The following PUM3 variants were observed in gnomAD, a reference collection of about 807,000 sequenced individuals.
The protein encoded by PUM3 is pumilio homolog 3.
Under a neutral mutation model 84.0 loss-of-function variants are expected in PUM3, and 91 were observed. The observed-to-expected ratio is 1.08, with a 90% CI of 0.91 to 1.29. The LOEUF is 1.29. PUM3 is among the 50% of genes most tolerant of loss of function. PUM3 has a pLI of 0.00. For synonymous variants in PUM3, 321 were observed against 266.7 expected (o/e 1.20, Z -1.98); for missense variants, 1,067 against 767.5 (o/e 1.39, Z -4.61).
intron 15 of PUM3, 48 bp from the exon 16 acceptor site, chr9:2,810,479 A>T: frequency 1.6e-5 from 20 of 1,279,186 alleles, no homozygotes; most frequent in Non-Finnish European, 2.1e-5. Context: ...TTTCATTCAT[A>T]CAAATACATT....
intron 1 of PUM3, among the ~76,000 whole-genome samples, chr9:2,842,952 T>C (rs1455845385): frequency 6.6e-6 from 1 of 152,196 alleles, no homozygotes; most frequent in Non-Finnish European, 1.5e-5. Context: ...CATTTTCCTC[T>C]CTACTCTGCC....
At chr9:2,833,907 T>G in intron 4 of PUM3, 124 bp downstream of exon 4, 1 of 932,298 alleles carries the variant, frequency 1.1e-6, no homozygotes. Context: ...TGGGGTGTCA[T>G]GAGGACCCCC....
intron 17 of PUM3, among the ~76,000 whole-genome samples, chr9:2,806,161 A>G (rs1821254674): frequency 6.6e-6 from 1 of 152,206 alleles, no homozygotes. Context: ...AATTAATTTC[A>G]TGGCATTGCT....
At chr9:2,816,549 A>C (rs1373555884) in intron 13 of PUM3, among the ~76,000 whole-genome samples, 1 of 152,240 alleles carries the variant, frequency 6.6e-6, no homozygotes, top group Non-Finnish European at 1.5e-5. Flanking sequence ...ACAAATGTGA[A>C]GATCTATCGC....
intron 1 of PUM3, among the ~76,000 whole-genome samples, chr9:2,841,038 T>A (rs537889322): frequency 1.3e-5 from 2 of 152,330 alleles, no homozygotes; most frequent in Non-Finnish European, 2.9e-5. Flanking sequence ...AAGCTCATAC[T>A]GATGTTTCCA....
At chr9:2,804,771 G>A (rs777250167) in intron 17 of PUM3, among the ~76,000 whole-genome samples, 97 of 152,184 alleles carry the variant, frequency 6.4e-4, no homozygotes, top group Non-Finnish European at 1.1e-3. Context: ...GTCTTAAAAT[G>A]ATTCTACATG....
intron 7 of PUM3, among the ~76,000 whole-genome samples, chr9:2,830,747 T>C (rs1815953899): frequency 6.6e-6 from 1 of 152,196 alleles, no homozygotes; most frequent in Non-Finnish European, 1.5e-5. Context: ...ATTTCTCATG[T>C]ATCTTTTTAG....
In PUM3 at chr9:2,841,520, A is replaced by T. The variant is rs538497912; in HGVS notation, c.-11+2525T>A. On this transcript the variant is annotated intron_variant, in intron 1 of 17. Coordinates refer to ENST00000397885, the MANE Select transcript of PUM3 (RefSeq NM_014878.5). Reference sequence around the variant, plus strand: ...GAGGCAGAGGCTGCAGCGAGCTGAGATTGTGCCACTACACTCCAGCCTGGG... The same window carrying T: ...GAGGCAGAGGCTGCAGCGAGCTGAGTTTGTGCCACTACACTCCAGCCTGGG... 2.6e-5 allele frequency among the ~76,000 whole-genome samples: 4 copies of T among 152,286 alleles called. No homozygotes were observed. The South Asian group carries it at 8.3e-4, about 32-fold the overall frequency.
At chr9:2,819,803 T>C (rs1020383220) in intron 13 of PUM3, among the ~76,000 whole-genome samples, 31 of 152,180 alleles carry the variant, frequency 2.0e-4, no homozygotes, top group Admixed American at 1.4e-3. Flanking sequence ...CAGTCTTAAA[T>C]ATTTAAAACA....
intron 14 of PUM3, 109 bp from the exon 15 acceptor site, chr9:2,811,692 A>C (rs1166245868): frequency 2.9e-6 from 2 of 693,672 alleles, no homozygotes; most frequent in Non-Finnish European, 4.9e-6. Flanking sequence ...ATCGCACTCT[A>C]TTATTATTGT....
At chr9:2,811,105 C>T (rs1327639236) in intron 15 of PUM3, among the ~76,000 whole-genome samples, 1 of 152,206 alleles carries the variant, frequency 6.6e-6, no homozygotes, top group Non-Finnish European at 1.5e-5. Context: ...TCAGAAGCAC[C>T]TTGGGCACTC....
intron 3 of PUM3, among the ~76,000 whole-genome samples, chr9:2,834,555 A>G (rs1213439825): frequency 6.6e-6 from 1 of 152,244 alleles, no homozygotes; most frequent in Non-Finnish European, 1.5e-5. Flanking sequence ...AATGAAAACA[A>G]GAAAAACAAC....
rs1182762186 is a variant in PUM3, at chr9:2,811,572, GTATCT to G, written c.1419_1423del (p.Lys473AsnfsTer31). 2.5e-6 allele frequency: 4 copies of G among 1,613,352 alleles called. No homozygotes were observed. The highest frequency in any genetic ancestry group is 1.7e-5 in the Admixed American group (1 of 60,018). ...TAGGAGCTCCCGTCTGCGGACCTCT[GTATCT>G]TTCTTACTGTTGAGTATGTTGAACG... On this transcript the variant is annotated frameshift_variant, in exon 15 of 18. Transcript: ENST00000397885. LOFTEE classifies it high-confidence loss of function.
chr9:2,840,055 A>T lies in PUM3; in HGVS notation c.-10-1538T>A, dbSNP rs561713833. 3.5e-4 allele frequency among the ~76,000 whole-genome samples: 53 copies of T among 152,036 alleles called. 1 individual carries two copies. The highest frequency in any genetic ancestry group is 7.1e-4 in the Non-Finnish European group (48 of 68,012). On this transcript the variant is annotated intron_variant, in intron 1 of 17. Coordinates refer to ENST00000397885, the MANE Select transcript of PUM3 (RefSeq NM_014878.5). ...CTTTGTATTTTGTAGAATATTCCTC[A>T]TTTGGGGTTTGCCTGATGTTTTCTC...
chr9:2,825,855 T>C (rs1465898197), intron 10 of PUM3, among the ~76,000 whole-genome samples: 1 of 152,180 alleles, frequency 6.6e-6, no homozygotes, highest in Admixed American at 6.5e-5. Context: ...TCCATTTTAG[T>C]CTATTCCCAA....
intron 13 of PUM3, among the ~76,000 whole-genome samples, 173 bp from the exon 14 acceptor site, chr9:2,812,535 AAAC>A (rs542015673): frequency 1.2e-4 from 18 of 152,350 alleles, no homozygotes; most frequent in South Asian, 8.3e-4. Context: ...ATAAAATTAT[AAAC>A]AACAACAAAA....
intron 3 of PUM3, among the ~76,000 whole-genome samples, chr9:2,834,865 A>G (rs898955716): frequency 5.3e-5 from 8 of 152,182 alleles, no homozygotes; most frequent in Non-Finnish European, 1.2e-4. Context: ...TCAAAATCCA[A>G]GTAACTTACC....
chr9:2,827,447 C>G (rs1815853174), intron 9 of PUM3, among the ~76,000 whole-genome samples: 1 of 152,164 alleles, frequency 6.6e-6, no homozygotes, highest in African/African-American at 2.4e-5. Context: ...ATAAGGACAT[C>G]TACATTTTTT....
chr9:2,813,440 G>A (rs1370958076), intron 13 of PUM3, among the ~76,000 whole-genome samples: 1 of 152,192 alleles, frequency 6.6e-6, no homozygotes, highest in Non-Finnish European at 1.5e-5. Flanking sequence ...CTGGGCCTCG[G>A]AAAGAGTTCT....
Sources: gnomAD v4.1 joint callset for allele counts (sites outside exome capture counted in the v4.1 genomes callset) on GRCh38, gnomAD v4.1.1 for gene constraint, MANE v1.5 for transcripts, NCBI Gene and HGNC (gene_info 2026-07-23, HGNC 2026-07-21) for gene names.